Variants in PRKCA observed in about 807,000 individuals in gnomAD.
PRKCA encodes protein kinase C alpha, also known as protein kinase C alpha type.
PRKCA carries 27 observed loss-of-function variants against 87.0 expected under a neutral mutation model. That is an observed-to-expected ratio of 0.31 (90% CI 0.23 to 0.43). PRKCA has a LOEUF of 0.43. Ranked by LOEUF, PRKCA falls within the 20% of genes least tolerant of loss-of-function variation. The pLI is 1.00. For missense variants in PRKCA, 518 were observed against 852.3 expected (o/e 0.61, Z 4.88); for synonymous variants, 329 against 311.1 (o/e 1.06, Z -0.61).
At chr17:66,332,707 T>TA (rs894795053) in intron 2 of PRKCA, among the ~76,000 whole-genome samples, 2 of 151,464 alleles carry the variant, frequency 1.3e-5, no homozygotes, top group Middle Eastern at 3.2e-3. Flanking sequence ...TTTTTTTTTT[T>TA]TTGAGATGGA....
rs564655403 is a variant in PRKCA, at chr17:66,713,049, C to CTTTTTTT, written c.919-19625_919-19619dup. 1.1e-3 allele frequency among the ~76,000 whole-genome samples: 118 copies of CTTTTTTT among 104,402 alleles called. 1 individual carries two copies. Among genetic ancestry groups the CTTTTTTT allele is most frequent in the African/African-American group, 3.3e-3 (86 of 26,136 alleles). The allele number at this position is 104,402 out of a possible 152,430, so 68.5% of individuals were successfully genotyped here. A position where few individuals can be genotyped will look rare whatever the true frequency, so the allele number is the denominator to read the frequency against. The stretch of plus-strand genomic sequence containing the variant: ...AAGTTAAAGTGAACCCTTTGTTGTC[C>CTTTTTTT]TTTTTTTTTTTTTTTTTTTTGAGAT... On this transcript the variant is annotated intron_variant, in intron 8 of 16. Transcript: ENST00000413366.
chr17:66,593,867 T>C (rs2143554788), intron 3 of PRKCA, among the ~76,000 whole-genome samples: 1 of 152,262 alleles, frequency 6.6e-6, no homozygotes, highest in East Asian at 1.9e-4. Context: ...ATGGATCACC[T>C]GAGGTCAGGA....
At chr17:66,420,531 A>G (rs1320548405) in intron 2 of PRKCA, among the ~76,000 whole-genome samples, 1 of 152,160 alleles carries the variant, frequency 6.6e-6, no homozygotes, top group Non-Finnish European at 1.5e-5. Context: ...AATACACAAG[A>G]TACTTAACAT....
intron 3 of PRKCA, among the ~76,000 whole-genome samples, chr17:66,575,638 A>G (rs1157505529): frequency 6.6e-6 from 1 of 152,212 alleles, no homozygotes; most frequent in Non-Finnish European, 1.5e-5. Context: ...ACTGAGGCTG[A>G]CCACAGGTAA....
In PRKCA at chr17:66,646,316, C is replaced by G. The variant is rs893992954; in HGVS notation, c.529+805C>G. Among the ~76,000 whole-genome samples the G allele has an allele frequency of 2.6e-5, 4 of 152,112 alleles. No homozygotes were observed. The East Asian group carries it at 7.7e-4, about 29-fold the overall frequency. ...CCCACCAAATCCACTTTCGGTTCAT[C>G]GGCACACTCAGTCAAGTTATCCTGG... On this transcript the variant is annotated intron_variant, in intron 5 of 16. Coordinates refer to ENST00000413366, the MANE Select transcript of PRKCA (RefSeq NM_002737.3).
chr17:66,576,359 C>G (rs559280617), intron 3 of PRKCA, among the ~76,000 whole-genome samples: 1 of 152,306 alleles, frequency 6.6e-6, no homozygotes, highest in Admixed American at 6.5e-5. Context: ...CATAAAGAAG[C>G]TTGGGTTTTG....
chr17:66,433,042 G>T (rs538437158), intron 2 of PRKCA, among the ~76,000 whole-genome samples: 2 of 152,178 alleles, frequency 1.3e-5, no homozygotes, highest in East Asian at 3.9e-4. Context: ...GCAGTTAGCC[G>T]GGGGGAAGGA....
chr17:66,709,530 A>C (rs1973272928), intron 8 of PRKCA, among the ~76,000 whole-genome samples: 1 of 151,768 alleles, frequency 6.6e-6, no homozygotes, highest in African/African-American at 2.4e-5. Context: ...GCTGGTCTTG[A>C]ATTCCTGACC....
intron 13 of PRKCA, among the ~76,000 whole-genome samples, chr17:66,761,239 G>A (rs902616846): frequency 4.6e-5 from 7 of 151,544 alleles, no homozygotes; most frequent in Non-Finnish European, 1.0e-4. Flanking sequence ...GTGTGGTGGC[G>A]TGTGCCTGTG....
chr17:66,302,916 G>A lies in PRKCA; in HGVS notation c.65G>A (p.Arg22His). The change falls in exon 1 of 17, where the codon CGC becomes CAC. Residue 22 changes from arginine (R) to histidine (H), a missense_variant. By Grantham distance (29) the Arg-to-His change is conservative. Transcript: ENST00000413366. The stretch of plus-strand genomic sequence containing the variant: ...CAGGACGTGGCCAACCGCTTCGCCC[G>A]CAAAGGGGCGCTGAGGCAGAAGAAC... ...ASQDVANRFA[R>H]KGALRQKNVH... is the part of the protein sequence containing the mutation. 1 of 1,611,496 alleles carries A rather than the reference G, an allele frequency of 6.2e-7. No individual in the cohort carries two copies. Among genetic ancestry groups the A allele is most frequent in the African/African-American group, 1.3e-5 (1 of 74,804 alleles).
chr17:66,511,799 G>C (rs796681285), intron 3 of PRKCA, among the ~76,000 whole-genome samples: 18 of 151,890 alleles, frequency 1.2e-4, no homozygotes, highest in African/African-American at 4.3e-4. Flanking sequence ...TCCTGCCTCA[G>C]CCTCCTGAGT....
At chr17:66,370,228 C>CTTTTTTT (rs35851942) in intron 2 of PRKCA, among the ~76,000 whole-genome samples, 8 of 112,240 alleles carry the variant, frequency 7.1e-5, no homozygotes, top group Admixed American at 1.0e-4. Flanking sequence ...TATTTTGATA[C>CTTTTTTT]TTTTTTTTTT....
chr17:66,557,890 A>T (rs902646733), intron 3 of PRKCA, among the ~76,000 whole-genome samples: 1 of 152,180 alleles, frequency 6.6e-6, no homozygotes, highest in African/African-American at 2.4e-5. Flanking sequence ...TCTGGATAGA[A>T]GTTCCGATCC....
intron 13 of PRKCA, among the ~76,000 whole-genome samples, chr17:66,750,233 T>C (rs551861810): frequency 1.3e-5 from 2 of 151,890 alleles, no homozygotes; most frequent in Admixed American, 6.6e-5. Flanking sequence ...CAGCCCAGCA[T>C]GGGCAGGAGC....
At chr17:66,506,425 C>A (rs902431206) in intron 3 of PRKCA, among the ~76,000 whole-genome samples, 1 of 151,998 alleles carries the variant, frequency 6.6e-6, no homozygotes, top group Non-Finnish European at 1.5e-5. Flanking sequence ...TGAGAGGGTC[C>A]TGTGTGTTTT....
rs991169288 is a variant in PRKCA, at chr17:66,807,716, T to A, written c.*3679T>A. 1 of 152,144 alleles carries A rather than the reference T, an allele frequency of 6.6e-6. No individual in the cohort carries two copies. The highest frequency in any genetic ancestry group is 2.4e-5 in the African/African-American group (1 of 41,426). The allele number at this position is 152,144 out of a possible 1,614,324, so 9.4% of individuals were successfully genotyped here. On this transcript the variant is annotated 3_prime_UTR_variant, in exon 17 of 17. Coordinates refer to ENST00000413366, the MANE Select transcript of PRKCA (RefSeq NM_002737.3). The surrounding 1 kb of genome is among the most constrained non-coding windows in gnomAD (Gnocchi z 4.3). ...AGGTTCATGCAGCCCAACAAATGATTGTTGAGCACCTCTCGGAGCCAAAGT... is the reference window on the plus strand; with the variant it reads ...AGGTTCATGCAGCCCAACAAATGATAGTTGAGCACCTCTCGGAGCCAAAGT...
At chr17:66,714,151 C>T (rs1045177184) in intron 8 of PRKCA, among the ~76,000 whole-genome samples, 4 of 152,050 alleles carry the variant, frequency 2.6e-5, no homozygotes, top group Non-Finnish European at 5.9e-5. Flanking sequence ...GTGATCCGAT[C>T]ACACACCTTT....
intron 2 of PRKCA, chr17:66,403,488 A>C (rs561739240): frequency 6.6e-6 from 1 of 152,344 alleles, no homozygotes; most frequent in East Asian, 1.9e-4. Flanking sequence ...ATTATTTATG[A>C]ATTTACCCTG....
rs187044001 is a variant in PRKCA, at chr17:66,454,980, G to A, written c.206-41221G>A. On this transcript the variant is annotated intron_variant, in intron 2 of 16. Coordinates refer to ENST00000413366, the MANE Select transcript of PRKCA (RefSeq NM_002737.3). ...CAGGATGGAAGGGCCGGCAGATGGC[G>A]GACCCAGGCAGCAGTGGAGGGAAGG... 3.9e-3 allele frequency among the ~76,000 whole-genome samples: 594 copies of A among 152,326 alleles called. 4 individuals are homozygous for A. Among genetic ancestry groups the A allele is most frequent in the Non-Finnish European group, 5.1e-3 (344 of 68,032 alleles).
Sources: allele counts gnomAD v4.1 joint callset (sites outside exome capture counted in the v4.1 genomes callset), GRCh38; gene constraint gnomAD v4.1.1; non-coding constraint Gnocchi (gnomAD v3.1); transcripts MANE v1.5; gene names NCBI Gene and HGNC (gene_info 2026-07-23, HGNC 2026-07-21).